Variants in DOCK7 observed in about 807,000 individuals in gnomAD.
DOCK7 encodes dedicator of cytokinesis 7.
In DOCK7, 138 loss-of-function variants were observed where a neutral mutation model predicts 271.0. That is an observed-to-expected ratio of 0.51 (90% CI 0.44 to 0.59). DOCK7 has a LOEUF of 0.59. DOCK7 is among the 20% of genes least tolerant of loss of function. The pLI is 0.00. For synonymous variants in DOCK7, 823 were observed against 876.1 expected (o/e 0.94, Z 1.07); for missense variants, 2,066 against 2,592.4 (o/e 0.80, Z 4.41).
At position 62,633,519 on chromosome 1, in the gene DOCK7, G is replaced by GA; in HGVS notation, c.1094dup (p.Lys366GlnfsTer9). 1 of 1,612,752 alleles carries GA rather than the reference G, an allele frequency of 6.2e-7. No individual in the cohort carries two copies. The highest frequency in any genetic ancestry group is 8.5e-7 in the Non-Finnish European group (1 of 1,179,326). ...CTACCTTGGTGGCATCTGCTTCTTTGAAAATCATATATGGTTCTGCACACT... is the reference window on the plus strand; with the variant it reads ...CTACCTTGGTGGCATCTGCTTCTTTGAAAAATCATATATGGTTCTGCACACT... On this transcript the variant is annotated frameshift_variant, in exon 10 of 50. Transcript: ENST00000635253. LOFTEE classifies it high-confidence loss of function.
rs759295644 is a variant in DOCK7 at position 62,647,731 on chromosome 1, G to A, written c.778C>T (p.His260Tyr). ...TTTACAAGAAGTCTTTGACCAAAAT[G>A]TTCTTTGGGTATATCAGGAACACTA... The part of the protein sequence containing the change: ...RLSVPDIPKE[H>Y]FGQRLLVKCL... Residue 260 changes from histidine (H) to tyrosine (Y), a missense_variant, in exon 7 of 50, where the codon CAT (histidine) becomes TAT (tyrosine). This residue lies in a region of DOCK7 where 1,414 missense variants were observed against 1,670.4 expected (regional missense o/e 0.85). Transcript: ENST00000635253. 8 of 1,608,684 alleles carry A rather than the reference G, an allele frequency of 5.0e-6. No individual in the cohort carries two copies. The highest frequency in any genetic ancestry group is 5.9e-6 in the Non-Finnish European group (7 of 1,178,228).
At chr1:62,528,014 G>T in intron 31 of DOCK7, 137 bp downstream of exon 31, 1 of 903,678 alleles carries the variant, frequency 1.1e-6, no homozygotes, top group Non-Finnish European at 1.5e-6. Context: ...TTAATATTCT[G>T]GGAACTTTAA....
intron 2 of DOCK7, 48 bp downstream of exon 2, chr1:62,662,977 A>T: frequency 7.0e-7 from 1 of 1,435,228 alleles, no homozygotes; most frequent in African/African-American, 1.4e-5. Flanking sequence ...TTCATGGCCT[A>T]GTCAATCATA....
At chr1:62,519,719 T>C (rs907853990) in intron 31 of DOCK7, among the ~76,000 whole-genome samples, 1 of 151,926 alleles carries the variant, frequency 6.6e-6, no homozygotes, top group Admixed American at 6.6e-5. Flanking sequence ...GATGAAACCA[T>C]TTGGGGAAGA....
intron 31 of DOCK7, among the ~76,000 whole-genome samples, chr1:62,517,915 T>C (rs2149348893): frequency 6.6e-6 from 1 of 152,328 alleles, no homozygotes; most frequent in East Asian, 1.9e-4. Flanking sequence ...TACCTTTATC[T>C]GTAACAGCCC....
intron 31 of DOCK7, among the ~76,000 whole-genome samples, chr1:62,526,272 A>G (rs1269356433): frequency 6.6e-6 from 1 of 152,198 alleles, no homozygotes; most frequent in East Asian, 1.9e-4. Flanking sequence ...ACTTTTCTCC[A>G]AAGGAGATAT....
At chr1:62,542,560 G>C (rs1645570300) in intron 25 of DOCK7, 48 bp downstream of exon 25, 1 of 1,542,694 alleles carries the variant, frequency 6.5e-7, no homozygotes, top group Middle Eastern at 1.7e-4. Context: ...GCATAAAATT[G>C]TTCACTAAGA....
intron 18 of DOCK7, among the ~76,000 whole-genome samples, chr1:62,574,314 C>A (rs1557741586): frequency 6.6e-6 from 1 of 152,060 alleles, no homozygotes; most frequent in Non-Finnish European, 1.5e-5. Flanking sequence ...AACCATCAAG[C>A]CTGAAACAAT....
chr1:62,665,258 G>C (rs1255242850), intron 1 of DOCK7, among the ~76,000 whole-genome samples: 1 of 151,952 alleles, frequency 6.6e-6, no homozygotes, highest in Non-Finnish European at 1.5e-5. Context: ...CAAAGTGCTG[G>C]GATTACAGGC....
intron 33 of DOCK7, among the ~76,000 whole-genome samples, chr1:62,512,760 G>A (rs1375886920): frequency 6.6e-6 from 1 of 151,864 alleles, no homozygotes; most frequent in Non-Finnish European, 1.5e-5. Context: ...CTTGGGCATG[G>A]TGGCACACAC....
chr1:62,633,502 G>T lies in DOCK7; in HGVS notation c.1112C>A (p.Thr371Asn). 6.2e-7 allele frequency: 1 copy of T among 1,607,334 alleles called. No homozygotes were observed. Reference protein sequence around the residue: ...PYMIFKEADATKNKEKLEKLK... With the variant: ...PYMIFKEADANKNKEKLEKLK... ...ATGAGAAGCATAACATTCTACCTTGGTGGCATCTGCTTCTTTGAAAATCAT... is the reference window on the plus strand; with the variant it reads ...ATGAGAAGCATAACATTCTACCTTGTTGGCATCTGCTTCTTTGAAAATCAT... Residue 371 changes from threonine to asparagine, a missense_variant, in exon 10 of 50, where the codon ACC (threonine) becomes AAC (asparagine). This residue lies in a region of DOCK7 where 1,414 missense variants were observed against 1,670.4 expected (regional missense o/e 0.85). Coordinates refer to ENST00000635253, the MANE Select transcript of DOCK7 (RefSeq NM_001367561.1).
chr1:62,675,900 A>G (rs1660502525), intron 1 of DOCK7, among the ~76,000 whole-genome samples: 1 of 152,224 alleles, frequency 6.6e-6, no homozygotes, highest in South Asian at 2.1e-4. Context: ...AACAAGTGTT[A>G]GCAAGCATAT....
At chr1:62,570,307 T>C (rs1303452370) in intron 18 of DOCK7, among the ~76,000 whole-genome samples, 1 of 152,094 alleles carries the variant, frequency 6.6e-6, no homozygotes, top group East Asian at 1.9e-4. Flanking sequence ...TTATAATTGC[T>C]ACAAAGAGAA....
chr1:62,555,563 T>C (rs1646113873), intron 21 of DOCK7, among the ~76,000 whole-genome samples: 1 of 152,150 alleles, frequency 6.6e-6, no homozygotes, highest in African/African-American at 2.4e-5. Context: ...CAAAGTTATT[T>C]TCAAAGCTCA....
chr1:62,669,902 C>CG (rs1659746217), intron 1 of DOCK7, among the ~76,000 whole-genome samples: 2 of 152,232 alleles, frequency 1.3e-5, no homozygotes, highest in South Asian at 4.1e-4. Context: ...GAGACACGAG[C>CG]GGGAACCGGG....
At chr1:62,543,183 C>G (rs1645593533) in intron 24 of DOCK7, 3 of 154,248 alleles carry the variant, frequency 1.9e-5, no homozygotes, top group Admixed American at 6.5e-5. Flanking sequence ...AGATTTCTGC[C>G]TTATAATGGA....
rs771568326 is a variant in DOCK7 at position 62,604,078 on chromosome 1, T to G, written c.1682+14628A>C. 2.5e-6 allele frequency: 4 copies of G among 1,613,232 alleles called. No homozygotes were observed. In the African/African-American group the frequency reaches 5.3e-5, roughly 22 times the overall value. On this transcript the variant is annotated intron_variant, in intron 14 of 49. Coordinates refer to ENST00000635253, the MANE Select transcript of DOCK7 (RefSeq NM_001367561.1). ...AAGACAACAAACATTATATTGAATA[T>G]TCTTTTTACTTGGGAAATCACGAAA...
intron 44 of DOCK7, 138 bp downstream of exon 44, chr1:62,477,561 TA>T: frequency 1.2e-6 from 1 of 832,754 alleles, no homozygotes; most frequent in Non-Finnish European, 1.7e-6. Flanking sequence ...TTGTAACTAT[TA>T]AAAGTCCTTA....
intron 37 of DOCK7, among the ~76,000 whole-genome samples, chr1:62,502,189 A>T (rs561594991): frequency 6.6e-6 from 1 of 152,142 alleles, no homozygotes; most frequent in South Asian, 2.1e-4. Context: ...TAACTTTTGT[A>T]GAATGAACTA....
Sources: gnomAD v4.1 joint callset for allele counts (sites outside exome capture counted in the v4.1 genomes callset) on GRCh38, gnomAD v4.1.1 for gene constraint, gnomAD v4.1.1 regional missense constraint, MANE v1.5 for transcripts, NCBI Gene and HGNC (gene_info 2026-07-23, HGNC 2026-07-21) for gene names.